The following ANKS1B variants were observed in gnomAD, a reference collection of about 807,000 sequenced individuals.
ANKS1B encodes ankyrin repeat and sterile alpha motif domain-containing protein 1B.
Under a neutral mutation model 148.3 loss-of-function variants are expected in ANKS1B, and 36 were observed. The ratio of observed to expected loss-of-function variants is 0.24; its 90% CI spans 0.19 to 0.32. ANKS1B has a LOEUF of 0.32. ANKS1B is among the 10% of genes least tolerant of loss of function. The pLI is 1.00. For missense variants in ANKS1B, 1,157 were observed against 1,542.6 expected (o/e 0.75, Z 4.19); for synonymous variants, 542 against 560.8 (o/e 0.97, Z 0.47).
At chr12:98,931,862 T>C (rs911842075) in intron 17 of ANKS1B, 1 of 152,122 alleles carries the variant, frequency 6.6e-6, no homozygotes, top group African/African-American at 2.4e-5. Context: ...AAGGAGGCAC[T>C]TTTTCCTGAA....
At chr12:99,842,291 A>C (rs761434223) in intron 1 of ANKS1B, among the ~76,000 whole-genome samples, 18 of 152,164 alleles carry the variant, frequency 1.2e-4, no homozygotes, top group Non-Finnish European at 1.6e-4. Flanking sequence ...TTACCACATT[A>C]TAGTCAGAAA....
At chr12:99,009,435 C>T (rs373187972) in intron 17 of ANKS1B, among the ~76,000 whole-genome samples, 35 of 152,280 alleles carry the variant, frequency 2.3e-4, no homozygotes, top group African/African-American at 6.7e-4. Context: ...GCTGAGCTCT[C>T]GGTTCTATGC....
At chr12:99,252,257 G>T (rs564475117) in intron 12 of ANKS1B, among the ~76,000 whole-genome samples, 1 of 152,196 alleles carries the variant, frequency 6.6e-6, no homozygotes, top group Admixed American at 6.5e-5. Flanking sequence ...CTATAATAGA[G>T]TGGTAGGGGA....
At chr12:98,984,886 C>G (rs568042836) in intron 17 of ANKS1B, among the ~76,000 whole-genome samples, 198 of 152,150 alleles carry the variant, frequency 1.3e-3, no homozygotes, top group African/African-American at 4.6e-3. Flanking sequence ...TGGTGTGTGC[C>G]TATAGTCTCA....
chr12:99,575,143 G>A (rs758209312), intron 9 of ANKS1B, among the ~76,000 whole-genome samples: 1 of 152,064 alleles, frequency 6.6e-6, no homozygotes, highest in African/African-American at 2.4e-5. Flanking sequence ...CAGCCAGAGA[G>A]AAGAGGCATG....
intron 1 of ANKS1B, among the ~76,000 whole-genome samples, chr12:99,906,281 T>C (rs970937743): frequency 3.3e-5 from 5 of 152,218 alleles, no homozygotes; most frequent in Admixed American, 3.3e-4. Context: ...GTGAATAATG[T>C]AGTGATCTGT....
intron 1 of ANKS1B, among the ~76,000 whole-genome samples, chr12:99,891,496 A>T (rs2093106964): frequency 6.6e-6 from 1 of 152,200 alleles, no homozygotes; most frequent in Non-Finnish European, 1.5e-5. Flanking sequence ...CCAGGATAAC[A>T]GGTGTGAGCC....
chr12:99,909,201 C>T (rs1431843362), intron 1 of ANKS1B, among the ~76,000 whole-genome samples: 1 of 148,454 alleles, frequency 6.7e-6, no homozygotes, highest in Non-Finnish European at 1.5e-5. Flanking sequence ...TTTTTTAAGG[C>T]TGGACAATAT....
In ANKS1B at chr12:98,929,466, C is replaced by T. The variant is rs565972733; in HGVS notation, c.2779-97330G>A. Among the ~76,000 whole-genome samples, 26 of 151,936 alleles carry T rather than the reference C, an allele frequency of 1.7e-4. No individual in the cohort carries two copies. In the South Asian group the frequency reaches 5.4e-3, roughly 32 times the overall value. Reference sequence around the variant, plus strand: ...TGGAAATGCAAAGGACCCAAGATAGCCACAAAAATCTTGAGTAAGAAGAAC... The same window carrying T: ...TGGAAATGCAAAGGACCCAAGATAGTCACAAAAATCTTGAGTAAGAAGAAC... On this transcript the variant is annotated intron_variant, in intron 17 of 26. Coordinates refer to ENST00000683438, the MANE Select transcript of ANKS1B (RefSeq NM_001352186.2).
In ANKS1B at chr12:98,991,337, G is replaced by A. The variant is rs185001329; in HGVS notation, c.2778+61820C>T. The stretch of plus-strand genomic sequence containing the variant: ...CTGTTTGCATATAGGGTACACAGAA[G>A]GGGACTTTTATCTTGTTAGGTTTTA... On this transcript the variant is annotated intron_variant, in intron 17 of 26. Coordinates refer to ENST00000683438, the MANE Select transcript of ANKS1B (RefSeq NM_001352186.2). 3.3e-5 allele frequency among the ~76,000 whole-genome samples: 5 copies of A among 152,288 alleles called. No homozygotes were observed. In the East Asian group the frequency reaches 9.6e-4, roughly 29 times the overall value.
intron 1 of ANKS1B, among the ~76,000 whole-genome samples, chr12:99,853,863 T>C (rs1349150264): frequency 3.3e-5 from 5 of 151,394 alleles, no homozygotes; most frequent in Admixed American, 2.0e-4. Context: ...ATGAAATAAA[T>C]AGCATAAATA....
At chr12:99,772,635 A>C in intron 8 of ANKS1B, 1 of 219,570 alleles carries the variant, frequency 4.6e-6, no homozygotes, top group African/African-American at 2.3e-5. Context: ...TATGCCCAGT[A>C]AAACTAAAGG....
At chr12:99,671,802 CA>C (rs1280615366) in intron 8 of ANKS1B, among the ~76,000 whole-genome samples, 6 of 152,036 alleles carry the variant, frequency 3.9e-5, no homozygotes, top group Non-Finnish European at 8.8e-5. Context: ...GGTACTACTC[CA>C]GATATTGCCA....
chr12:99,420,703 T>TA (rs1472135053), intron 11 of ANKS1B, among the ~76,000 whole-genome samples: 4 of 152,188 alleles, frequency 2.6e-5, no homozygotes, highest in East Asian at 3.8e-4. Flanking sequence ...AAGCAAGTGT[T>TA]AAAAAATACA....
chr12:98,785,901 C>T (rs1441772432), intron 22 of ANKS1B, among the ~76,000 whole-genome samples: 1 of 152,176 alleles, frequency 6.6e-6, no homozygotes, highest in Non-Finnish European at 1.5e-5. Context: ...GTGAAAGATG[C>T]TCAAGGCGAA....
intron 12 of ANKS1B, among the ~76,000 whole-genome samples, chr12:99,351,669 C>T (rs914544235): frequency 1.1e-4 from 17 of 152,084 alleles, no homozygotes; most frequent in South Asian, 2.1e-4. Context: ...AGAGCAATCA[C>T]GGTATATGAC....
intron 10 of ANKS1B, among the ~76,000 whole-genome samples, chr12:99,445,685 A>G (rs2095625046): frequency 6.6e-6 from 1 of 151,874 alleles, no homozygotes; most frequent in Non-Finnish European, 1.5e-5. Context: ...TTTTTTTTCA[A>G]AAGAATCCCT....
At chr12:99,831,030 A>G (rs1436911313) in intron 1 of ANKS1B, among the ~76,000 whole-genome samples, 2 of 152,172 alleles carry the variant, frequency 1.3e-5, no homozygotes. Context: ...TATGGGACTT[A>G]TCACCATCTG....
intron 10 of ANKS1B, among the ~76,000 whole-genome samples, chr12:99,482,523 G>C (rs1184388539): frequency 6.6e-6 from 1 of 151,920 alleles, no homozygotes; most frequent in East Asian, 1.9e-4. Context: ...TCCTTTTGTG[G>C]TTCCATATGA....
Sources: gnomAD v4.1 joint callset for allele counts (sites outside exome capture counted in the v4.1 genomes callset) on GRCh38, gnomAD v4.1.1 for gene constraint, MANE v1.5 for transcripts, NCBI Gene and HGNC (gene_info 2026-07-23, HGNC 2026-07-21) for gene names.